ACSL6: variants seen among roughly 807,000 people sequenced by gnomAD.
The protein encoded by ACSL6 is long-chain-fatty-acid--CoA ligase 6.
In ACSL6, 47 loss-of-function variants were observed where a neutral mutation model predicts 98.2. That is an observed-to-expected ratio of 0.48 (90% CI 0.38 to 0.61). The LOEUF is 0.61. Among genes scored for constraint, ACSL6 ranks in the 20% least tolerant of loss-of-function variants. The pLI is 0.00. For synonymous variants in ACSL6, 362 were observed against 336.9 expected (o/e 1.07, Z -0.82); for missense variants, 761 against 913.4 (o/e 0.83, Z 2.15).
In ACSL6 at chr5:131,954,166, A is replaced by C. The variant is rs1188674928; in HGVS notation, c.*68T>G. On this transcript the variant is annotated 3_prime_UTR_variant, in exon 21 of 21. Coordinates refer to ENST00000651883, the MANE Select transcript of ACSL6 (RefSeq NM_001009185.3). ...ATTTTCAGCTGTGTCATTTTGACTCATTACTTTCAAGAATAACTATAATAT... is the reference window on the plus strand; with the variant it reads ...ATTTTCAGCTGTGTCATTTTGACTCCTTACTTTCAAGAATAACTATAATAT... 1.4e-6 allele frequency: 2 copies of C among 1,457,008 alleles called. No homozygotes were observed. The highest frequency in any genetic ancestry group is 1.8e-6 in the Non-Finnish European group (2 of 1,102,262). The allele number at this position is 1,457,008 out of a possible 1,614,324, so 90.3% of individuals were successfully genotyped here.
intron 15 of ACSL6, among the ~76,000 whole-genome samples, chr5:131,969,296 A>G (rs1753176778): frequency 6.6e-6 from 1 of 152,238 alleles, no homozygotes; most frequent in South Asian, 2.1e-4. Context: ...TGGATTTTAA[A>G]CTGAAATCAT....
Position 131,966,402 on chromosome 5 carries a change from C to G in ACSL6, c.1713+14G>C. 1 of 1,613,726 alleles carries G rather than the reference C, an allele frequency of 6.2e-7. No homozygotes were observed. Among genetic ancestry groups the G allele is most frequent in the South Asian group, 1.1e-5 (1 of 91,058 alleles). ...GCCAAATGTTTGGAGCTCCGTGGTT[C>G]CAAACATACACACCGGCAGCCATTT... On this transcript the variant is annotated intron_variant, in intron 17 of 20. Transcript: ENST00000651883.
At chr5:131,960,648 A>G in intron 18 of ACSL6, 27 bp from the exon 19 acceptor site, 1 of 1,566,614 alleles carries the variant, frequency 6.4e-7, no homozygotes, top group Non-Finnish European at 8.7e-7. Context: ...AGGAGAACAC[A>G]GTCATGACAA....
At position 131,951,640 on chromosome 5, in the gene ACSL6, C is replaced by G. The variant is rs1443526506; in HGVS notation, c.*2594G>C. 2 of 175,324 alleles carry G rather than the reference C, an allele frequency of 1.1e-5. No individual in the cohort carries two copies. Among genetic ancestry groups the G allele is most frequent in the African/African-American group, 4.8e-5 (2 of 42,016 alleles). 10.9% of individuals were successfully genotyped at this position (175,324 alleles called of 1,614,324 possible). ...TCGTTCTGTTGCCCAGGCTGGAGTA[C>G]AGTGGCGGGATCTCGGCTCACTGCA... On this transcript the variant is annotated 3_prime_UTR_variant, in exon 21 of 21. Coordinates refer to ENST00000651883, the MANE Select transcript of ACSL6 (RefSeq NM_001009185.3).
chr5:131,957,390 A>G (rs889461565), intron 20 of ACSL6, among the ~76,000 whole-genome samples: 10 of 152,254 alleles, frequency 6.6e-5, no homozygotes, highest in Non-Finnish European at 1.0e-4. Flanking sequence ...AATGTCAAAC[A>G]AATGGTTAAA....
chr5:131,956,703 T>A (rs1226515905), intron 20 of ACSL6, among the ~76,000 whole-genome samples: 2 of 152,252 alleles, frequency 1.3e-5, no homozygotes, highest in Non-Finnish European at 2.9e-5. Flanking sequence ...TAGTTTTTTT[T>A]AGAAGTGAAT....
At position 131,967,921 on chromosome 5, in the gene ACSL6, T is replaced by C. The variant is rs30162; in HGVS notation, c.1596+19A>G. On this transcript the variant is annotated intron_variant, in intron 16 of 20. Transcript: ENST00000651883. ...TACATGTAGCAGCCACAGGCATGAA[T>C]GGCTAAATCCTTGTTTACCTCTCCC... The C allele has an allele frequency of 4.3e-3, 6,981 of 1,610,670 alleles. 35 individuals carry two copies. Among genetic ancestry groups the C allele is most frequent in the Non-Finnish European group, 4.7e-3 (5,523 of 1,177,106 alleles).
intron 2 of ACSL6, 139 bp downstream of exon 2, chr5:131,993,892 G>C: frequency 2.4e-6 from 2 of 841,254 alleles, no homozygotes; most frequent in Non-Finnish European, 3.7e-6. Context: ...CTGCTGCAGA[G>C]CTAAGTGGCT....
chr5:131,996,485 T>C (rs960159763), intron 1 of ACSL6, among the ~76,000 whole-genome samples: 3 of 152,152 alleles, frequency 2.0e-5, no homozygotes, highest in Admixed American at 6.5e-5. Context: ...TGATGGACAT[T>C]TTTCTTGAAG....
chr5:132,002,258 G>C (rs546502584), intron 1 of ACSL6, among the ~76,000 whole-genome samples: 7 of 152,308 alleles, frequency 4.6e-5, no homozygotes, highest in African/African-American at 1.7e-4. Flanking sequence ...TTGCCTTTCC[G>C]GCCATGTCCA....
intron 13 of ACSL6, among the ~76,000 whole-genome samples, chr5:131,972,418 G>C (rs1164240937): frequency 4.6e-5 from 7 of 152,192 alleles, no homozygotes; most frequent in Admixed American, 3.9e-4. Context: ...TCAGGGCCCA[G>C]GAGCTTCTCA....
intron 19 of ACSL6, chr5:131,959,826 G>C (rs536937733): frequency 3.5e-6 from 2 of 574,750 alleles, no homozygotes; most frequent in African/African-American, 3.8e-5. Context: ...ACCATGAATG[G>C]GCTAAGGGAC....
At chr5:131,968,596 C>A (rs1317386663) in intron 15 of ACSL6, among the ~76,000 whole-genome samples, 1 of 152,110 alleles carries the variant, frequency 6.6e-6, no homozygotes, top group African/African-American at 2.4e-5. Context: ...TGTTGAATAA[C>A]AAAGGAATGG....
At chr5:131,976,096 G>A in intron 10 of ACSL6, 1 of 985,456 alleles carries the variant, frequency 1.0e-6, no homozygotes, top group African/African-American at 1.7e-5. Context: ...CCACTTGTGG[G>A]AAAAGTCCTC....
At chr5:132,009,102 T>C (rs1210975528) in intron 1 of ACSL6, among the ~76,000 whole-genome samples, 2 of 152,248 alleles carry the variant, frequency 1.3e-5, no homozygotes, top group Non-Finnish European at 2.9e-5. Flanking sequence ...GACTCATTGC[T>C]GGCCTCTCCA....
intron 1 of ACSL6, among the ~76,000 whole-genome samples, chr5:132,006,064 A>G (rs1280358113): frequency 6.6e-6 from 1 of 152,162 alleles, no homozygotes; most frequent in Non-Finnish European, 1.5e-5. Context: ...TCGGAACACA[A>G]GCTTAAATGG....
At position 132,011,610 on chromosome 5, in the gene ACSL6, A is replaced by C; in HGVS notation, c.-57T>G. On this transcript the variant is annotated 5_prime_UTR_variant, in exon 1 of 21. Transcript: ENST00000651883. This position sits in a 1 kb window ranked among gnomAD's most constrained non-coding sequence, Gnocchi z 5.4. ...CGGCCTCCCCGACCCGCAGCCCCGC[A>C]GCCCCGCAGCCCAGCAGCCCCAGCA... The C allele has an allele frequency of 3.6e-6, 5 of 1,390,368 alleles. No individual in the cohort carries two copies. The highest frequency in any genetic ancestry group is 4.7e-6 in the Non-Finnish European group (5 of 1,074,274). The allele number at this position is 1,390,368 out of a possible 1,614,324, so 86.1% of individuals were successfully genotyped here.
intron 1 of ACSL6, among the ~76,000 whole-genome samples, chr5:132,005,497 A>G (rs977722634): frequency 6.6e-6 from 1 of 152,110 alleles, no homozygotes; most frequent in Non-Finnish European, 1.5e-5. Context: ...CTCACATGCC[A>G]CCTTGCTGAT....
rs966391109 is a variant in ACSL6 at position 131,959,878 on chromosome 5, G to T, written c.1960-271C>A. 9 of 479,976 alleles carry T rather than the reference G, an allele frequency of 1.9e-5. No homozygotes were observed. The Admixed American group carries it at 2.4e-4, about 13-fold the overall frequency. 29.7% of individuals were successfully genotyped at this position (479,976 alleles called of 1,614,324 possible). A position where few individuals can be genotyped will look rare whatever the true frequency, so the allele number is the denominator to read the frequency against. On this transcript the variant is annotated intron_variant, in intron 19 of 20. Coordinates refer to ENST00000651883, the MANE Select transcript of ACSL6 (RefSeq NM_001009185.3). ...AAAGCAGGCTTTTGGTCAGCCTGGT[G>T]AGTCTTGCTACCCCTAGATGAGCCC... is the stretch of plus-strand genomic sequence containing the variant.
Sources: gnomAD v4.1 joint callset for allele counts (sites outside exome capture counted in the v4.1 genomes callset) on GRCh38, gnomAD v4.1.1 for gene constraint, Gnocchi (gnomAD v3.1) non-coding constraint, MANE v1.5 for transcripts, NCBI Gene and HGNC (gene_info 2026-07-23, HGNC 2026-07-21) for gene names.